DLEC1: variants seen among roughly 807,000 people sequenced by gnomAD.
DLEC1 encodes DLEC1 cilia and flagella associated protein.
Under a neutral mutation model 198.1 loss-of-function variants are expected in DLEC1, and 146 were observed. The observed-to-expected ratio is 0.74, with a 90% CI of 0.64 to 0.85. The LOEUF is 0.85. Ranked by LOEUF, DLEC1 falls within the 40% of genes least tolerant of loss-of-function variation. The pLI is 0.00. For synonymous variants in DLEC1, 897 were observed against 866.8 expected, an observed-to-expected ratio of 1.03 and a Z score of -0.61; for missense variants, 2,233 against 2,220.0, an observed-to-expected ratio of 1.01 and a Z score of -0.12.
chr3:38,049,042 A>G (rs1700997655), intron 2 of DLEC1, among the ~76,000 whole-genome samples: 1 of 150,648 alleles, frequency 6.6e-6, no homozygotes, highest in Non-Finnish European at 1.5e-5. Context: ...TTGGCTAGAG[A>G]TTAGGGGAGA....
intron 11 of DLEC1, 139 bp downstream of exon 11, chr3:38,093,019 C>T (rs1698822833): frequency 7.4e-6 from 6 of 812,112 alleles, no homozygotes; most frequent in Non-Finnish European, 1.0e-5. Flanking sequence ...CTGCAGCCTC[C>T]AGGTGCCAGA....
intron 2 of DLEC1, among the ~76,000 whole-genome samples, chr3:38,055,944 C>G (rs760495048): frequency 6.6e-6 from 1 of 152,136 alleles, no homozygotes; most frequent in Non-Finnish European, 1.5e-5. Context: ...TCAGGCTGAT[C>G]GTGCTGGCTC....
chr3:38,108,745 C>T lies in DLEC1; in HGVS notation c.3129+230C>T, dbSNP rs546860093. Reference sequence around the variant, plus strand: ...GGGGATGTGCCCTGAGACCCACTGGCCATGCCTGGCCTTTGGCATGAGTTT... The same window carrying T: ...GGGGATGTGCCCTGAGACCCACTGGTCATGCCTGGCCTTTGGCATGAGTTT... On this transcript the variant is annotated intron_variant, in intron 21 of 36. Transcript: ENST00000308059. 5.9e-5 allele frequency among the ~76,000 whole-genome samples: 9 copies of T among 152,364 alleles called. No individual in the cohort carries two copies. In the East Asian group the frequency reaches 1.5e-3, roughly 26 times the overall value.
At chr3:38,121,112 C>T (rs1053205850) in intron 34 of DLEC1, among the ~76,000 whole-genome samples, 6 of 152,226 alleles carry the variant, frequency 3.9e-5, no homozygotes, top group South Asian at 2.1e-4. Flanking sequence ...CTAGAGAGGC[C>T]GGGGGCAGGA....
intron 3 of DLEC1, among the ~76,000 whole-genome samples, chr3:38,060,079 A>G (rs996356646): frequency 3.3e-5 from 5 of 152,184 alleles, no homozygotes; most frequent in African/African-American, 7.2e-5. Context: ...CATGTGGACT[A>G]TGATGCCCAC....
rs1313757718 is a variant in DLEC1, at chr3:38,100,337, G to C, written c.2776G>C (p.Glu926Gln). 1 of 1,613,834 alleles carries C rather than the reference G, an allele frequency of 6.2e-7. No individual in the cohort carries two copies. The highest frequency in any genetic ancestry group is 1.3e-5 in the African/African-American group (1 of 74,930). Residue 926 changes from glutamate to glutamine, a missense_variant, in exon 19 of 37, where the codon GAG becomes CAG. Glu to Gln is a conservative substitution (Grantham distance 29, BLOSUM62 2). Coordinates refer to ENST00000308059, the MANE Select transcript of DLEC1 (RefSeq NM_007335.4). ...GAGTGGCCAGCTTCACTCTCTGGGG[G>C]AGTGCAGGGTGGACATCACCTTGGA... ...PSSGQLHSLG[E>Q]CRVDITLEAL...
In DLEC1 at chr3:38,070,233, T is replaced by C. The variant is rs201817299; in HGVS notation, c.1173+6314T>C. Among the ~76,000 whole-genome samples, 14 of 152,270 alleles carry C rather than the reference T, an allele frequency of 9.2e-5. No homozygotes were observed. The East Asian group carries it at 2.7e-3, about 29-fold the overall frequency. On this transcript the variant is annotated intron_variant, in intron 6 of 36. Transcript: ENST00000308059. The stretch of plus-strand genomic sequence containing the variant: ...TAAGAGGCCCAATTACATCCTGACA[T>C]AGAGGTGCCATAACACTCTTTGTGT...
chr3:38,092,421 T>C (rs1179839304), intron 10 of DLEC1, among the ~76,000 whole-genome samples: 1 of 152,172 alleles, frequency 6.6e-6, no homozygotes, highest in East Asian at 1.9e-4. Context: ...AAACAAATCA[T>C]TGCATTTATG....
chr3:38,093,024 G>A, intron 11 of DLEC1, 144 bp downstream of exon 11: 1 of 790,108 alleles, frequency 1.3e-6, no homozygotes, highest in Non-Finnish European at 2.1e-6. Flanking sequence ...GCCTCCAGGT[G>A]CCAGAGTCTC....
At chr3:38,104,282 C>A (rs1018101961) in intron 19 of DLEC1, among the ~76,000 whole-genome samples, 4 of 152,128 alleles carry the variant, frequency 2.6e-5, no homozygotes, top group African/African-American at 9.6e-5. Flanking sequence ...CATGGTGAAA[C>A]CCCATTTCTA....
intron 7 of DLEC1, among the ~76,000 whole-genome samples, chr3:38,084,877 C>T (rs1698359672): frequency 6.6e-6 from 1 of 152,240 alleles, no homozygotes; most frequent in African/African-American, 2.4e-5. Context: ...CTATTCCTCA[C>T]TTAAGCCTCA....
intron 14 of DLEC1, 105 bp from the exon 15 acceptor site, chr3:38,096,464 C>T (rs1699022093): frequency 7.4e-7 from 1 of 1,350,162 alleles, no homozygotes; most frequent in Non-Finnish European, 1.0e-6. Flanking sequence ...GTGGGTTAGG[C>T]AGTGTTTTTT....
rs539395956 is a variant in DLEC1, at chr3:38,096,772, G to A, written c.2340+35G>A. 1.4e-5 allele frequency: 22 copies of A among 1,570,156 alleles called. No individual in the cohort carries two copies. The South Asian group carries it at 1.8e-4, about 13-fold the overall frequency. Reference sequence around the variant, plus strand: ...TGTCTCTCCCCTGCCTAGGCTGGCCGAGGCAGTGTTGACATGAGTGCAAGT... The same window carrying A: ...TGTCTCTCCCCTGCCTAGGCTGGCCAAGGCAGTGTTGACATGAGTGCAAGT... On this transcript the variant is annotated intron_variant, in intron 15 of 36. Coordinates refer to ENST00000308059, the MANE Select transcript of DLEC1 (RefSeq NM_007335.4).
chr3:38,084,341 G>T (rs1256875575), intron 7 of DLEC1, 96 bp downstream of exon 7: 11 of 920,940 alleles, frequency 1.2e-5, no homozygotes, highest in Non-Finnish European at 1.7e-5. Context: ...TGGTAGCAAT[G>T]ATAGTAGTAG....
chr3:38,052,672 G>A (rs1363264632), intron 2 of DLEC1, among the ~76,000 whole-genome samples: 1 of 152,202 alleles, frequency 6.6e-6, no homozygotes, highest in Admixed American at 6.5e-5. Context: ...GAGTCCAGAG[G>A]GAAGTTTATC....
intron 6 of DLEC1, among the ~76,000 whole-genome samples, chr3:38,072,328 T>C (rs1348238576): frequency 6.6e-6 from 1 of 152,076 alleles, no homozygotes. Flanking sequence ...TGAGCATAGT[T>C]TGTGATTTTG....
At chr3:38,121,509 TG>T in intron 34 of DLEC1, 118 bp from the exon 35 acceptor site, 1 of 1,351,250 alleles carries the variant, frequency 7.4e-7, no homozygotes, top group Non-Finnish European at 1.0e-6. Context: ...TGCCAACTTC[TG>T]GGAGCTTCCC....
intron 9 of DLEC1, among the ~76,000 whole-genome samples, chr3:38,086,616 CCTT>C (rs1455595508): frequency 6.6e-6 from 1 of 152,224 alleles, no homozygotes; most frequent in Non-Finnish European, 1.5e-5. Flanking sequence ...CCTCTCTTAT[CCTT>C]CAAGCCCTGG....
At position 38,091,923 on chromosome 3, in the gene DLEC1, C is replaced by T. The variant is rs543623981; in HGVS notation, c.1666-867C>T. 1.4e-3 allele frequency among the ~76,000 whole-genome samples: 211 copies of T among 151,978 alleles called. 2 individuals carry two copies. Among genetic ancestry groups the T allele is most frequent in the Admixed American group, 3.9e-3 (59 of 15,282 alleles). ...TGATGGGAATGTAAATTACTACAGCCGTTATGGAAAATAATATGGAGTTCC... is the reference window on the plus strand; with the variant it reads ...TGATGGGAATGTAAATTACTACAGCTGTTATGGAAAATAATATGGAGTTCC... On this transcript the variant is annotated intron_variant, in intron 10 of 36. Coordinates refer to ENST00000308059, the MANE Select transcript of DLEC1 (RefSeq NM_007335.4).
Sources: allele counts gnomAD v4.1 joint callset (sites outside exome capture counted in the v4.1 genomes callset), GRCh38; gene constraint gnomAD v4.1.1; transcripts MANE v1.5; gene names NCBI Gene and HGNC (gene_info 2026-07-23, HGNC 2026-07-21).